Variants in SYN3 observed in about 807,000 individuals in gnomAD.
SYN3 encodes synapsin III.
A neutral mutation model predicts 65.8 loss-of-function variants in SYN3; 35 were observed. The observed-to-expected ratio is 0.53, with a 90% CI of 0.41 to 0.70. The LOEUF is 0.70. Ranked by LOEUF, SYN3 falls within the 30% of genes least tolerant of loss-of-function variation. The probability of loss-of-function intolerance (pLI) is 0.00; values close to 1 mark genes in which losing one functional copy is unlikely to be tolerated. For synonymous variants in SYN3, 270 were observed against 292.9 expected (o/e 0.92, Z 0.80); for missense variants, 680 against 749.0 (o/e 0.91, Z 1.08).
intron 7 of SYN3, among the ~76,000 whole-genome samples, chr22:32,550,123 A>G (rs566438381): frequency 2.0e-5 from 3 of 152,336 alleles, no homozygotes; most frequent in East Asian, 3.9e-4. Context: ...GTCTAACAAT[A>G]TATTAAGCTA....
chr22:32,570,335 A>G (rs1253094862), intron 7 of SYN3, among the ~76,000 whole-genome samples: 2 of 152,222 alleles, frequency 1.3e-5, no homozygotes, highest in Admixed American at 1.3e-4. Flanking sequence ...GGGAAATTAA[A>G]GGCCATTGTA....
intron 2 of SYN3, among the ~76,000 whole-genome samples, chr22:32,994,892 T>A (rs2052834048): frequency 6.6e-6 from 1 of 152,208 alleles, no homozygotes; most frequent in Non-Finnish European, 1.5e-5. Context: ...CAGGGCCTCT[T>A]AGGACAGCCT....
In SYN3 at chr22:32,982,519, T is replaced by A. The variant is rs551472844; in HGVS notation, c.312-1817A>T. On this transcript the variant is annotated intron_variant, in intron 2 of 13. Transcript: ENST00000358763. ...TGGTGATTTTTCTCCATAAGCACCC[T>A]AATCCTGACCTATGATTCATCTCTA... Among the ~76,000 whole-genome samples, 5 of 152,332 alleles carry A rather than the reference T, an allele frequency of 3.3e-5. No homozygotes were observed. In the East Asian group the frequency reaches 9.7e-4, roughly 29 times the overall value.
In SYN3 at chr22:32,984,161, CAAAAAAAAA is replaced by C. The variant is rs35678412; in HGVS notation, c.312-3468_312-3460del. Among the ~76,000 whole-genome samples the C allele has an allele frequency of 1.6e-3, 151 of 92,996 alleles. 1 individual carries two copies. Among genetic ancestry groups the C allele is most frequent in the Middle Eastern group, 0.011 (2 of 178 alleles). 61.0% of individuals were successfully genotyped at this position (92,996 alleles called of 152,430 possible). A position where few individuals can be genotyped will look rare whatever the true frequency, so the allele number is the denominator to read the frequency against. ...TGGGCGACAAGAATGAAACTCCATC[CAAAAAAAAA>C]AAAAAAAAAGAAAAAGAAAAAGAAA... On this transcript the variant is annotated intron_variant, in intron 2 of 13. Coordinates refer to ENST00000358763, the MANE Select transcript of SYN3 (RefSeq NM_003490.4).
chr22:32,765,193 C>T (rs899953905), intron 6 of SYN3, among the ~76,000 whole-genome samples: 1 of 152,144 alleles, frequency 6.6e-6, no homozygotes, highest in Non-Finnish European at 1.5e-5. Context: ...TCAGAACAAG[C>T]CAGTCCCAAG....
intron 7 of SYN3, among the ~76,000 whole-genome samples, chr22:32,543,690 T>C (rs1419476986): frequency 6.6e-6 from 1 of 152,116 alleles, no homozygotes; most frequent in Non-Finnish European, 1.5e-5. Flanking sequence ...TTTGCTCCAG[T>C]CTGTCGTGCG....
intron 3 of SYN3, among the ~76,000 whole-genome samples, chr22:32,954,026 C>A (rs929659718): frequency 3.9e-5 from 6 of 152,158 alleles, no homozygotes; most frequent in African/African-American, 1.4e-4. Context: ...GCCAGAGGAC[C>A]AGGCATGCCC....
chr22:32,671,791 TCA>T (rs2060374074), intron 6 of SYN3, among the ~76,000 whole-genome samples: 2 of 146,950 alleles, frequency 1.4e-5, no homozygotes, highest in African/African-American at 5.1e-5. Flanking sequence ...ACACATGCTC[TCA>T]CACAGGTACA....
At chr22:32,810,552 G>A (rs914237957) in intron 6 of SYN3, among the ~76,000 whole-genome samples, 2 of 151,920 alleles carry the variant, frequency 1.3e-5, no homozygotes, top group African/African-American at 4.8e-5. Flanking sequence ...GAGTGGAGAG[G>A]GGAAGTCCTG....
At chr22:32,741,075 C>T (rs541082981) in intron 6 of SYN3, among the ~76,000 whole-genome samples, 2 of 152,252 alleles carry the variant, frequency 1.3e-5, no homozygotes, top group East Asian at 3.9e-4. Context: ...AAAAGGGAGA[C>T]ACTGGATCAG....
At chr22:33,040,149 T>G (rs145563619) in intron 1 of SYN3, among the ~76,000 whole-genome samples, 1 of 113,536 alleles carries the variant, frequency 8.8e-6, no homozygotes, top group Admixed American at 8.5e-5. Context: ...ATTTTTAATA[T>G]ATATTTTTTG....
chr22:32,766,158 T>C (rs1044992592), intron 6 of SYN3, among the ~76,000 whole-genome samples: 2 of 149,928 alleles, frequency 1.3e-5, no homozygotes, highest in African/African-American at 5.1e-5. Context: ...GACTGGGGCG[T>C]GGGTGAGATA....
intron 6 of SYN3, among the ~76,000 whole-genome samples, chr22:32,840,572 C>T (rs868106595): frequency 2.6e-5 from 4 of 151,828 alleles, no homozygotes; most frequent in African/African-American, 4.8e-5. Flanking sequence ...GGCGGGAGAT[C>T]GGCTCTGGCT....
chr22:32,655,967 T>C (rs913813283), intron 6 of SYN3, among the ~76,000 whole-genome samples: 15 of 152,102 alleles, frequency 9.9e-5, no homozygotes, highest in African/African-American at 3.4e-4. Flanking sequence ...TTCATGACCA[T>C]TGGAGAACTA....
intron 6 of SYN3, among the ~76,000 whole-genome samples, chr22:32,695,555 G>A (rs1410824451): frequency 6.6e-6 from 1 of 152,186 alleles, no homozygotes; most frequent in African/African-American, 2.4e-5. Context: ...TGAGTATGAG[G>A]TCAGTGTGGG....
chr22:32,580,260 T>C (rs192265392), intron 7 of SYN3, among the ~76,000 whole-genome samples: 1 of 151,588 alleles, frequency 6.6e-6, no homozygotes, highest in Admixed American at 6.6e-5. Flanking sequence ...TTAAGAAGAG[T>C]TTTCAAAATT....
chr22:32,977,035 T>C (rs1024353477), intron 3 of SYN3, among the ~76,000 whole-genome samples: 5 of 152,006 alleles, frequency 3.3e-5, no homozygotes, highest in African/African-American at 9.7e-5. Flanking sequence ...TTGATACAGA[T>C]GGGCAAAGAC....
intron 2 of SYN3, among the ~76,000 whole-genome samples, chr22:32,994,676 A>G (rs940430260): frequency 6.6e-6 from 1 of 152,102 alleles, no homozygotes; most frequent in Non-Finnish European, 1.5e-5. Context: ...ACTGACTTGG[A>G]GTCGGCACCT....
chr22:32,940,198 T>G (rs2050895452), intron 3 of SYN3, among the ~76,000 whole-genome samples: 1 of 152,194 alleles, frequency 6.6e-6, no homozygotes, highest in Non-Finnish European at 1.5e-5. Flanking sequence ...ACATTTGTAT[T>G]CTTGTTTGCA....
Sources: allele counts gnomAD v4.1 joint callset (sites outside exome capture counted in the v4.1 genomes callset), GRCh38; gene constraint gnomAD v4.1.1; transcripts MANE v1.5; gene names NCBI Gene and HGNC (gene_info 2026-07-23, HGNC 2026-07-21).